The following CACNA2D1 variants were observed in gnomAD, a reference collection of about 807,000 sequenced individuals.
The protein encoded by CACNA2D1 is calcium voltage-gated channel auxiliary subunit alpha2delta 1.
CACNA2D1 carries 53 observed loss-of-function variants against 171.5 expected under a neutral mutation model. The observed-to-expected ratio is 0.31, with a 90% confidence interval of 0.25 to 0.39. The LOEUF is 0.39. Ranked by LOEUF, CACNA2D1 falls within the 10% of genes least tolerant of loss-of-function variation. The pLI, the probability that CACNA2D1 is intolerant of heterozygous loss-of-function variation, is 1.00. For synonymous variants in CACNA2D1, 442 were observed against 443.1 expected (o/e 1.00, Z 0.03); for missense variants, 903 against 1,299.8 (o/e 0.69, Z 4.69).
Position 82,217,394 on chromosome 7 carries a change from CATATATATATATATATAT to C in CACNA2D1, c.295-46803_295-46786del, listed in dbSNP as rs6150191. 1.1e-3 allele frequency among the ~76,000 whole-genome samples: 111 copies of C among 102,564 alleles called. 5 individuals carry two copies. The highest frequency in any genetic ancestry group is 1.7e-3 in the African/African-American group (30 of 18,166). 67.3% of individuals were successfully genotyped at this position (102,564 alleles called of 152,430 possible). A position where few individuals can be genotyped will look rare whatever the true frequency, so the allele number is the denominator to read the frequency against. ...ACACACATATACACACACACACATA[CATATATATATATATATAT>C]ATATATATATATATCAGGAAAACGA... On this transcript the variant is annotated intron_variant, in intron 3 of 38. Transcript: ENST00000356860.
At chr7:82,049,238 T>G in intron 10 of CACNA2D1, among the ~76,000 whole-genome samples, 1 of 152,056 alleles carries the variant, frequency 6.6e-6, no homozygotes, top group Non-Finnish European at 1.5e-5. Flanking sequence ...ATAATTTCTT[T>G]ATGTCTTTTA....
chr7:82,206,903 CT>C (rs1800053273), intron 3 of CACNA2D1, among the ~76,000 whole-genome samples: 1 of 152,164 alleles, frequency 6.6e-6, no homozygotes, highest in Middle Eastern at 3.4e-3. Flanking sequence ...GAATAAACAT[CT>C]TTTTTTAACC....
chr7:82,229,199 C>A (rs1802651663), intron 3 of CACNA2D1, among the ~76,000 whole-genome samples: 1 of 152,072 alleles, frequency 6.6e-6, no homozygotes, highest in African/African-American at 2.4e-5. Context: ...TACAGTGTAA[C>A]TCCTTTTGGA....
At chr7:82,337,747 C>T (rs1013380877) in intron 2 of CACNA2D1, among the ~76,000 whole-genome samples, 2 of 152,132 alleles carry the variant, frequency 1.3e-5, no homozygotes, top group Non-Finnish European at 2.9e-5. Context: ...TTTTTCTCTA[C>T]TAGAAAGAAT....
intron 2 of CACNA2D1, among the ~76,000 whole-genome samples, chr7:82,347,862 T>C (rs1437714868): frequency 1.3e-5 from 2 of 152,206 alleles, no homozygotes; most frequent in Non-Finnish European, 2.9e-5. Context: ...AATTCATCAA[T>C]ATCTATACTC....
At chr7:82,179,272 C>A (rs1039982723) in intron 3 of CACNA2D1, among the ~76,000 whole-genome samples, 7 of 151,876 alleles carry the variant, frequency 4.6e-5, no homozygotes, top group African/African-American at 1.7e-4. Context: ...TTGACTGCTG[C>A]AGATTCAAAA....
rs531978133 is a variant in CACNA2D1 at position 82,176,841 on chromosome 7, A to G, written c.295-6232T>C. On this transcript the variant is annotated intron_variant, in intron 3 of 38. Coordinates refer to ENST00000356860, the MANE Select transcript of CACNA2D1 (RefSeq NM_000722.4). Reference sequence around the variant, plus strand: ...AAGGGACCTTATATTCATATACCATATACATCATATACACTCACACATAAT... The same window carrying G: ...AAGGGACCTTATATTCATATACCATGTACATCATATACACTCACACATAAT... Among the ~76,000 whole-genome samples, 56 of 152,144 alleles carry G rather than the reference A, an allele frequency of 3.7e-4. 1 individual carries two copies. The highest frequency in any genetic ancestry group is 3.4e-3 in the Admixed American group (52 of 15,232).
In CACNA2D1 at chr7:82,020,395, T is replaced by C. The variant is rs113335828; in HGVS notation, c.1144-5916A>G. Among the ~76,000 whole-genome samples, 1,266 of 152,290 alleles carry C rather than the reference T, an allele frequency of 8.3e-3. 18 individuals are homozygous for C. The highest frequency in any genetic ancestry group is 0.029 in the African/African-American group (1,210 of 41,556). ...TCAGCAAGTTACTTTACTTTTCTGA[T>C]TTTGCTTTTCTTATTTCCAAAATGG... On this transcript the variant is annotated intron_variant, in intron 12 of 38. Coordinates refer to ENST00000356860, the MANE Select transcript of CACNA2D1 (RefSeq NM_000722.4).
chr7:82,158,621 T>C (rs1365500012), intron 4 of CACNA2D1, among the ~76,000 whole-genome samples: 2 of 151,942 alleles, frequency 1.3e-5, no homozygotes, highest in Non-Finnish European at 2.9e-5. Flanking sequence ...CTCAGTGAAG[T>C]CTTAGGTGAA....
intron 21 of CACNA2D1, 123 bp downstream of exon 21, chr7:81,991,062 G>T: frequency 1.6e-6 from 1 of 620,468 alleles, no homozygotes; most frequent in Non-Finnish European, 3.0e-6. Flanking sequence ...TAGTCTATAA[G>T]TTTAGTATGT....
At position 82,291,298 on chromosome 7, in the gene CACNA2D1, T is replaced by C. The variant is rs896966657; in HGVS notation, c.294+43837A>G. 2.3e-4 allele frequency among the ~76,000 whole-genome samples: 33 copies of C among 141,728 alleles called. 1 individual carries two copies. In the South Asian group the frequency reaches 2.6e-3, roughly 11 times the overall value. 93.0% of individuals were successfully genotyped at this position (141,728 alleles called of 152,430 possible). ...ATATATAATTCCTTTATATATAGTA[T>C]ATATAATATATAAATATACATCTAT... On this transcript the variant is annotated intron_variant, in intron 3 of 38. Coordinates refer to ENST00000356860, the MANE Select transcript of CACNA2D1 (RefSeq NM_000722.4).
At chr7:81,966,720 T>A (rs1794740251) in intron 31 of CACNA2D1, among the ~76,000 whole-genome samples, 1 of 151,498 alleles carries the variant, frequency 6.6e-6, no homozygotes, top group South Asian at 2.1e-4. Context: ...AACTTTATAA[T>A]AAACTGTAAT....
At chr7:82,191,159 AAG>A (rs1254708909) in intron 3 of CACNA2D1, among the ~76,000 whole-genome samples, 2 of 151,796 alleles carry the variant, frequency 1.3e-5, no homozygotes, top group African/African-American at 4.8e-5. Context: ...AGAGAAATCA[AAG>A]AGTTAAGGGA....
intron 4 of CACNA2D1, among the ~76,000 whole-genome samples, chr7:82,159,404 C>G (rs1048521777): frequency 2.0e-5 from 3 of 151,862 alleles, no homozygotes; most frequent in African/African-American, 7.2e-5. Flanking sequence ...TCCAAGCTAC[C>G]TCAGCATCTT....
intron 1 of CACNA2D1, among the ~76,000 whole-genome samples, chr7:82,371,956 T>C (rs1451703368): frequency 6.6e-6 from 1 of 152,168 alleles, no homozygotes; most frequent in Non-Finnish European, 1.5e-5. Flanking sequence ...TTATTCTAGA[T>C]GAGACTTTAA....
intron 3 of CACNA2D1, among the ~76,000 whole-genome samples, chr7:82,205,276 C>T (rs564394623): frequency 5.2e-4 from 79 of 152,230 alleles, no homozygotes; most frequent in Non-Finnish European, 5.0e-4. Context: ...ATATGTAACA[C>T]ATAATTATTA....
intron 1 of CACNA2D1, among the ~76,000 whole-genome samples, chr7:82,424,191 T>C (rs1828971197): frequency 6.6e-6 from 1 of 152,110 alleles, no homozygotes; most frequent in African/African-American, 2.4e-5. Context: ...AGAAAAATCC[T>C]GAACAAATCA....
At chr7:82,031,521 C>A (rs1173702009) in intron 12 of CACNA2D1, among the ~76,000 whole-genome samples, 1 of 151,818 alleles carries the variant, frequency 6.6e-6, no homozygotes, top group Non-Finnish European at 1.5e-5. Flanking sequence ...TAAACAAAAA[C>A]CAAAAGATGT....
At chr7:82,035,225 T>A (rs2131175793) in intron 11 of CACNA2D1, among the ~76,000 whole-genome samples, 1 of 152,202 alleles carries the variant, frequency 6.6e-6, no homozygotes, top group Non-Finnish European at 1.5e-5. Flanking sequence ...TATGGTAATA[T>A]TTTATGAAAT....
Sources: allele counts gnomAD v4.1 joint callset (sites outside exome capture counted in the v4.1 genomes callset), GRCh38; gene constraint gnomAD v4.1.1; transcripts MANE v1.5; gene names NCBI Gene and HGNC (gene_info 2026-07-23, HGNC 2026-07-21).